Variants in NFATC1 observed in about 807,000 individuals in gnomAD.
NFATC1 encodes the protein nuclear factor of activated T-cells, cytoplasmic 1.
A neutral mutation model predicts 76.0 loss-of-function variants in NFATC1; 22 were observed. That is an observed-to-expected ratio of 0.29 (90% CI 0.21 to 0.41). NFATC1 has a LOEUF of 0.41. Among genes scored for constraint, NFATC1 ranks in the 10% least tolerant of loss-of-function variants. The pLI, the probability that NFATC1 is intolerant of heterozygous loss-of-function variation, is 1.00. For missense variants in NFATC1, 1,357 were observed against 1,337.7 expected, an observed-to-expected ratio of 1.01 and a Z score of -0.23; for synonymous variants, 704 against 613.1, an observed-to-expected ratio of 1.15 and a Z score of -2.19.
intron 2 of NFATC1, among the ~76,000 whole-genome samples, chr18:79,425,416 C>T (rs2144606001): frequency 6.6e-6 from 1 of 152,368 alleles, no homozygotes; most frequent in Admixed American, 6.5e-5. Flanking sequence ...CCTGAAGCTG[C>T]TCCTGTGGAG....
intron 3 of NFATC1, among the ~76,000 whole-genome samples, chr18:79,434,871 T>C (rs1268622983): frequency 6.6e-6 from 1 of 152,206 alleles, no homozygotes; most frequent in Non-Finnish European, 1.5e-5. Flanking sequence ...GTTAATGTGA[T>C]GTTTGTGGCC....
intron 6 of NFATC1, 84 bp downstream of exon 6, chr18:79,451,900 C>T: frequency 6.7e-7 from 1 of 1,498,886 alleles, no homozygotes. Flanking sequence ...CAGGACCCAC[C>T]TGTGCACGGT....
At chr18:79,429,864 G>A (rs947121807) in intron 2 of NFATC1, among the ~76,000 whole-genome samples, 1 of 152,270 alleles carries the variant, frequency 6.6e-6, no homozygotes, top group South Asian at 2.1e-4. Context: ...GCGGCGTCGG[G>A]TCAACGGCGG....
chr18:79,464,284 G>A (rs113840218), intron 7 of NFATC1, among the ~76,000 whole-genome samples: 84 of 152,066 alleles, frequency 5.5e-4, no homozygotes, highest in Non-Finnish European at 8.8e-5. Context: ...TAGTAGAGAC[G>A]GGATTTCACC....
At chr18:79,498,050 C>G (rs1421318801) in intron 9 of NFATC1, 3 of 106,986 alleles carry the variant, frequency 2.8e-5, no homozygotes, top group African/African-American at 1.0e-4. Flanking sequence ...AACAACAAGT[C>G]CTATTTGGAG....
At position 79,486,661 on chromosome 18, in the gene NFATC1, C is replaced by T. The variant is rs774106646; in HGVS notation, c.2506C>T (p.Pro836Ser). 6.2e-7 allele frequency: 1 copy of T among 1,604,068 alleles called. No individual in the cohort carries two copies. The highest frequency in any genetic ancestry group is 8.5e-7 in the Non-Finnish European group (1 of 1,177,972). The change falls in exon 9 of 10, where the codon CCT becomes TCT. Residue 836 changes from proline to serine, a missense_variant. Physicochemically the swap from Pro to Ser is moderately conservative, Grantham distance 74. This residue lies in a region of NFATC1 where 424 missense variants were observed against 395.4 expected (regional missense o/e 1.07). Transcript: ENST00000427363. ...TGCGCCTCCAAGCAGTAGCTGCCCC[C>T]CTGGTCTCGAACACTCGCTCTGCCC... is the stretch of plus-strand genomic sequence containing the variant. ...VSAPPSSSCP[P>S]GLEHSLCPSS...
chr18:79,397,047 A>T (rs1417914024), intron 1 of NFATC1, among the ~76,000 whole-genome samples: 1 of 152,198 alleles, frequency 6.6e-6, no homozygotes, highest in Non-Finnish European at 1.5e-5. Context: ...AGTGAAAAAA[A>T]GATGGCACAG....
chr18:79,483,518 G>A (rs539403382), intron 8 of NFATC1, among the ~76,000 whole-genome samples: 3 of 125,848 alleles, frequency 2.4e-5, no homozygotes, highest in Admixed American at 1.6e-4. Context: ...TCACTCCGGC[G>A]TGACCTGGTC....
chr18:79,400,371 C>G, intron 1 of NFATC1: 1 of 1,444,350 alleles, frequency 6.9e-7, no homozygotes, highest in South Asian at 1.3e-5. Flanking sequence ...GGCTCCCGCC[C>G]CGGCCCCGGC....
chr18:79,405,070 C>T (rs1258712894), intron 1 of NFATC1, among the ~76,000 whole-genome samples: 6 of 152,164 alleles, frequency 3.9e-5, no homozygotes, highest in East Asian at 1.9e-4. Context: ...GCCTGAGAGC[C>T]GGGTGCTCCC....
intron 9 of NFATC1, among the ~76,000 whole-genome samples, chr18:79,489,930 GAT>G (rs1173079815): frequency 6.6e-6 from 1 of 152,250 alleles, no homozygotes; most frequent in African/African-American, 2.4e-5. Context: ...TGGAGGTTGA[GAT>G]ACCTGTGCAG....
At position 79,433,586 on chromosome 18, in the gene NFATC1, C is replaced by G; in HGVS notation, c.1234C>G (p.Leu412Val). The change falls in exon 3 of 10, where the codon CTG (leucine) becomes GTG (valine). Residue 412 changes from leucine (L) to valine (V), a missense_variant. Physicochemically the swap from Leu to Val is conservative, Grantham distance 32. Coordinates refer to ENST00000427363, the MANE Select transcript of NFATC1 (RefSeq NM_001278669.2). ...LSPTSYMSPT[L>V]PALDWQLPSH... ...TGCTCTGTTCCCTTCCAGCCCGACC[C>G]TGCCCGCCCTGGACTGGCAGCTGCC... The G allele has an allele frequency of 6.2e-7, 1 of 1,613,234 alleles. No individual in the cohort carries two copies. The highest frequency in any genetic ancestry group is 8.5e-7 in the Non-Finnish European group (1 of 1,179,940).
At chr18:79,511,912 G>A (rs569108607) in intron 9 of NFATC1, among the ~76,000 whole-genome samples, 5 of 152,284 alleles carry the variant, frequency 3.3e-5, no homozygotes, top group African/African-American at 9.6e-5. Flanking sequence ...AACAGAGGGC[G>A]GCACGGGCCT....
chr18:79,513,301 G>C (rs1043801936), intron 9 of NFATC1, among the ~76,000 whole-genome samples: 5 of 152,150 alleles, frequency 3.3e-5, no homozygotes, highest in African/African-American at 1.2e-4. Flanking sequence ...GTGGCAGAGG[G>C]CACCTTGGCC....
rs759299734 is a variant in NFATC1 at position 79,433,582 on chromosome 18, G to A, written c.1230G>A (p.Pro410=). The A allele has an allele frequency of 5.0e-6, 8 of 1,612,798 alleles. No individual in the cohort carries two copies. Among genetic ancestry groups the A allele is most frequent in the Admixed American group, 1.7e-5 (1 of 59,978 alleles). The change falls in exon 3 of 10, where the codon CCG becomes CCA. Residue 410 remains proline, a synonymous_variant. Transcript: ENST00000427363. ...CCTCTGCTCTGTTCCCTTCCAGCCC[G>A]ACCCTGCCCGCCCTGGACTGGCAGC... ...KPLSPTSYMS[P]TLPALDWQLP... is the part of the protein sequence containing the mutation.
chr18:79,400,353 GCGACCCCGGCTCCCGCCC>G, intron 1 of NFATC1: 1 of 1,380,470 alleles, frequency 7.2e-7, no homozygotes, highest in African/African-American at 1.7e-5. Context: ...CCTGGCGGCC[GCGACCCCGGCTCCCGCCC>G]CGGCCCCGGC....
intron 6 of NFATC1, among the ~76,000 whole-genome samples, chr18:79,454,401 T>C (rs1003292360): frequency 6.6e-6 from 1 of 152,212 alleles, no homozygotes; most frequent in Non-Finnish European, 1.5e-5. Flanking sequence ...AAGTTTTAGA[T>C]GGAGCGGCTC....
chr18:79,519,713 C>A (rs1159627879), intron 9 of NFATC1, among the ~76,000 whole-genome samples: 1 of 152,166 alleles, frequency 6.6e-6, no homozygotes, highest in Non-Finnish European at 1.5e-5. Flanking sequence ...TGCTTTTCCT[C>A]CCGGGGCTTG....
rs757663400 is a variant in NFATC1, at chr18:79,461,308, C to T, written c.1904-3C>T. On this transcript the variant is annotated splice_region_variant and splice_polypyrimidine_tract_variant and intron_variant, in intron 6 of 9. Coordinates refer to ENST00000427363, the MANE Select transcript of NFATC1 (RefSeq NM_001278669.2). The stretch of plus-strand genomic sequence containing the variant: ...ACAGACGTTTCCTGCTCCTTTCTTC[C>T]AGATGGCCACCATGTCTGGGAGATG... The T allele has an allele frequency of 9.5e-6, 15 of 1,572,918 alleles. No homozygotes were observed. In the East Asian group the frequency reaches 9.8e-5, roughly 10 times the overall value.
Sources: allele counts gnomAD v4.1 joint callset (sites outside exome capture counted in the v4.1 genomes callset), GRCh38; gene constraint gnomAD v4.1.1; regional missense constraint gnomAD v4.1.1; transcripts MANE v1.5; gene names NCBI Gene and HGNC (gene_info 2026-07-23, HGNC 2026-07-21).